The following GEMIN5 variants were observed in gnomAD, a reference collection of about 807,000 sequenced individuals.
GEMIN5 encodes gem nuclear organelle associated protein 5.
Under a neutral mutation model 176.9 loss-of-function variants are expected in GEMIN5, and 124 were observed. That is an observed-to-expected ratio of 0.70 (90% CI 0.61 to 0.81). The LOEUF is 0.81. Ranked by LOEUF, GEMIN5 falls within the 40% of genes least tolerant of loss-of-function variation. GEMIN5 has a pLI of 0.00. For synonymous variants in GEMIN5, 673 were observed against 665.2 expected (o/e 1.01, Z -0.18); for missense variants, 1,843 against 1,814.6 (o/e 1.02, Z -0.28).
chr5:154,911,930 T>A, intron 14 of GEMIN5, 32 bp from the exon 15 acceptor site: 1 of 1,590,746 alleles, frequency 6.3e-7, no homozygotes, highest in African/African-American at 1.3e-5. Context: ...CGAAAAGACA[T>A]TTTCTGGTTA....
At chr5:154,916,296 T>G (rs567503442) in intron 13 of GEMIN5, among the ~76,000 whole-genome samples, 3 of 152,266 alleles carry the variant, frequency 2.0e-5, no homozygotes, top group Non-Finnish European at 4.4e-5. Flanking sequence ...CACTATATAT[T>G]ATATATAGCA....
rs778640296 is a variant in GEMIN5, at chr5:154,917,015, T to C, written c.1838A>G (p.Asn613Ser). Residue 613 changes from asparagine (N) to serine (S), a missense_variant, in exon 13 of 28, where the codon AAC becomes AGC. Asn to Ser is a conservative substitution (Grantham distance 46). Transcript: ENST00000285873. Reference protein sequence around the residue: ...GSNNAVIYVHNLKTVIESSPE... With the variant: ...GSNNAVIYVHSLKTVIESSPE... ...AAAGTTACCTATGACAGTCTTCAGG[T>C]TGTGCACGTAAATGACTGCATTGTT... 1.5e-4 allele frequency: 232 copies of C among 1,588,140 alleles called. No homozygotes were observed. Among genetic ancestry groups the C allele is most frequent in the Non-Finnish European group, 1.9e-4 (217 of 1,160,780 alleles).
chr5:154,911,604 G>A, intron 15 of GEMIN5, 123 bp downstream of exon 15: 2 of 762,774 alleles, frequency 2.6e-6, no homozygotes, highest in Non-Finnish European at 4.2e-6. Flanking sequence ...TCTTGCTTAG[G>A]CTCAGACCCC....
At chr5:154,894,847 C>T (rs1279726794) in intron 24 of GEMIN5, among the ~76,000 whole-genome samples, 1 of 151,552 alleles carries the variant, frequency 6.6e-6, no homozygotes, top group Non-Finnish European at 1.5e-5. Flanking sequence ...GCGGAGATTG[C>T]AGTGAGCCAA....
intron 13 of GEMIN5, among the ~76,000 whole-genome samples, chr5:154,914,529 A>T (rs920977891): frequency 1.4e-5 from 2 of 143,740 alleles, no homozygotes; most frequent in African/African-American, 5.2e-5. Flanking sequence ...TTTTTTTTTT[A>T]AAGAGACTAG....
intron 13 of GEMIN5, among the ~76,000 whole-genome samples, chr5:154,913,501 T>C (rs1278287885): frequency 2.0e-5 from 3 of 152,196 alleles, no homozygotes; most frequent in African/African-American, 7.2e-5. Flanking sequence ...GTGCCCTATC[T>C]TCCTCAAAAG....
intron 20 of GEMIN5, 67 bp downstream of exon 20, chr5:154,902,472 C>T: frequency 6.8e-7 from 1 of 1,477,154 alleles, no homozygotes; most frequent in South Asian, 1.2e-5. Flanking sequence ...TAAGAGCCAT[C>T]TTTAGTGGAC....
In GEMIN5 at chr5:154,889,333, A is replaced by G; in HGVS notation, c.4347T>C (p.Pro1449=). The G allele has an allele frequency of 1.3e-6, 2 of 1,576,622 alleles. No individual in the cohort carries two copies. Among genetic ancestry groups the G allele is most frequent in the Non-Finnish European group, 1.7e-6 (2 of 1,145,822 alleles). ...TEANQRMAKF[P]ESIKAWPFPD... ...CTTTAACTCTTACCTTAATGCTCTC[A>G]GGAAATTTCGCCATTCTCTGATTTG... The change falls in exon 27 of 28, where the codon CCT becomes CCC. Residue 1449 remains proline, a synonymous_variant. Transcript: ENST00000285873.
chr5:154,904,579 T>C lies in GEMIN5; in HGVS notation c.2560A>G (p.Ser854Gly). The C allele has an allele frequency of 1.2e-6, 2 of 1,612,542 alleles. No individual in the cohort carries two copies. The highest frequency in any genetic ancestry group is 1.7e-6 in the Non-Finnish European group (2 of 1,178,538). Residue 854 changes from serine to glycine, a missense_variant, in exon 18 of 28, where the codon AGC becomes GGC. Ser to Gly is a moderately conservative substitution (Grantham distance 56). Transcript: ENST00000285873. ...KARSLLPLSTSLDHRSKEELH... is the reference protein window; with the variant it reads ...KARSLLPLSTGLDHRSKEELH... ...TCCTCTTTGGATCTGTGGTCCAGGC[T>C]TGTACTCAGGGGAAGCAAGGAACGA...
intron 16 of GEMIN5, 146 bp downstream of exon 16, chr5:154,907,445 T>A: frequency 2.9e-6 from 1 of 350,396 alleles, no homozygotes; most frequent in Non-Finnish European, 4.9e-6. Flanking sequence ...TTTAGAGACT[T>A]GAATAAAGCT....
chr5:154,907,699 C>T lies in GEMIN5; in HGVS notation c.2287G>A (p.Glu763Lys), dbSNP rs1348360460. ...VKLESIDGNE[E>K]ESMKENSGPV... ...CCTGAGTTCTCCTTCATGCTTTCTTCTTCATTTCCATCAATCGATTCCAGC... is the reference window on the plus strand; with the variant it reads ...CCTGAGTTCTCCTTCATGCTTTCTTTTTCATTTCCATCAATCGATTCCAGC... The change falls in exon 16 of 28, where the codon GAA (glutamate) becomes AAA (lysine). Residue 763 changes from glutamate (E) to lysine (K), a missense_variant. Transcript: ENST00000285873. The T allele has an allele frequency of 6.2e-7, 1 of 1,614,004 alleles. No individual in the cohort carries two copies. Among genetic ancestry groups the T allele is most frequent in the East Asian group, 2.2e-5 (1 of 44,890 alleles).
chr5:154,926,808 G>C (rs1034051962), intron 7 of GEMIN5, among the ~76,000 whole-genome samples: 1 of 152,206 alleles, frequency 6.6e-6, no homozygotes, highest in African/African-American at 2.4e-5. Context: ...CACTTTGGGA[G>C]GCTGAGGCAG....
rs1763350786 is a variant in GEMIN5, at chr5:154,896,276, T to C, written c.3413A>G (p.Glu1138Gly). 2 of 1,612,146 alleles carry C rather than the reference T, an allele frequency of 1.2e-6. No homozygotes were observed. Among genetic ancestry groups the C allele is most frequent in the Non-Finnish European group, 1.7e-6 (2 of 1,179,354 alleles). Residue 1138 changes from glutamate (E) to glycine (G), a missense_variant, in exon 24 of 28, where the codon GAG (glutamate) becomes GGG (glycine). By Grantham distance (98) the Glu-to-Gly change is moderately conservative. Transcript: ENST00000285873. ...GTGGTAAGAGGAGGAGCTTTTGCCCTCTGAAAGCTGCTTTTCCTCCAGATG... is the reference window on the plus strand; with the variant it reads ...GTGGTAAGAGGAGGAGCTTTTGCCCCCTGAAAGCTGCTTTTCCTCCAGATG... ...SRHLEEKQLS[E>G]GKSSSSYHTW...
chr5:154,902,509 T>C (rs1410209739), intron 20 of GEMIN5, 30 bp downstream of exon 20: 1 of 1,611,704 alleles, frequency 6.2e-7, no homozygotes, highest in East Asian at 2.2e-5. Context: ...AGAGCTTTTG[T>C]TGAAAAGAAC....
At chr5:154,926,774 C>T (rs1305762020) in intron 7 of GEMIN5, among the ~76,000 whole-genome samples, 2 of 152,120 alleles carry the variant, frequency 1.3e-5, no homozygotes, top group South Asian at 2.1e-4. Flanking sequence ...GGCCAGGCGC[C>T]GTGGCTCACG....
Position 154,928,603 on chromosome 5 carries a change from T to A in GEMIN5, c.838A>T (p.Thr280Ser), listed in dbSNP as rs1764093846. 1 of 1,613,746 alleles carries A rather than the reference T, an allele frequency of 6.2e-7. No homozygotes were observed. Among genetic ancestry groups the A allele is most frequent in the African/African-American group, 1.3e-5 (1 of 75,046 alleles). Residue 280 changes from threonine to serine, a missense_variant, in exon 6 of 28, where the codon ACT becomes TCT. Coordinates refer to ENST00000285873, the MANE Select transcript of GEMIN5 (RefSeq NM_015465.5). ...LKRRGGGIDP[T>S]VKERLWLTLH... ...GTCAACCAAAGGCGCTCTTTAACAGTTGGGTCTATACCCCCTCCTCTTCTC... is the reference window on the plus strand; with the variant it reads ...GTCAACCAAAGGCGCTCTTTAACAGATGGGTCTATACCCCCTCCTCTTCTC...
chr5:154,891,775 C>A, intron 25 of GEMIN5, 33 bp from the exon 26 acceptor site: 1 of 1,537,782 alleles, frequency 6.5e-7, no homozygotes, highest in Non-Finnish European at 8.7e-7. Context: ...CTGGGTCATG[C>A]ATTTCTCTAG....
At chr5:154,905,506 A>AT in intron 16 of GEMIN5, 30 bp from the exon 17 acceptor site, 1 of 1,074,644 alleles carries the variant, frequency 9.3e-7, no homozygotes, top group Non-Finnish European at 1.4e-6. Context: ...GGAAAAAAAA[A>AT]GTTAAGGATA....
intron 2 of GEMIN5, among the ~76,000 whole-genome samples, chr5:154,936,450 G>A (rs1307258970): frequency 1.3e-5 from 2 of 151,730 alleles, no homozygotes; most frequent in Non-Finnish European, 2.9e-5. Context: ...ATACTTATTA[G>A]TAGTACTTCT....
Sources: gnomAD v4.1 joint callset for allele counts (sites outside exome capture counted in the v4.1 genomes callset) on GRCh38, gnomAD v4.1.1 for gene constraint, MANE v1.5 for transcripts, NCBI Gene and HGNC (gene_info 2026-07-23, HGNC 2026-07-21) for gene names.